The following ZNF765 variants were observed in gnomAD, a reference collection of about 807,000 sequenced individuals.
ZNF765 encodes zinc finger protein 765.
In ZNF765, 37 loss-of-function variants were observed where a neutral mutation model predicts 44.7. The observed-to-expected ratio is 0.83, with a 90% CI of 0.64 to 1.09. The LOEUF (loss-of-function observed/expected upper bound fraction) is 1.09, where lower values mean the gene tolerates loss of function less well. Among genes scored for constraint, ZNF765 ranks in the 50% least tolerant of loss-of-function variants. ZNF765 has a pLI of 0.00. For synonymous variants in ZNF765, 201 were observed against 213.7 expected, an observed-to-expected ratio of 0.94 and a Z score of 0.52; for missense variants, 594 against 626.1, an observed-to-expected ratio of 0.95 and a Z score of 0.55.
Position 53,409,363 on chromosome 19 carries a change from C to G in ZNF765, c.*236C>G. 1 of 837,394 alleles carries G rather than the reference C, an allele frequency of 1.2e-6. No homozygotes were observed. Among genetic ancestry groups the G allele is most frequent in the Non-Finnish European group, 2.1e-6 (1 of 479,716 alleles). 51.9% of individuals were successfully genotyped at this position (837,394 alleles called of 1,614,324 possible). On this transcript the variant is annotated 3_prime_UTR_variant, in exon 4 of 4. Transcript: ENST00000396408. ...CATCATAAACTTCATAGTGGAGAGA[C>G]CTTACAAATGTGAAGAATGTGAAGA...
downstream of ZNF765, among the ~76,000 whole-genome samples, chr19:53,414,482 CACA>C (rs2085861260): frequency 6.6e-5 from 1 of 15,248 alleles, no homozygotes; most frequent in African/African-American, 3.6e-4. Context: ...CACACACACA[CACA>C]CACACCCCCC....
intron 2 of ZNF765, chr19:53,401,844 C>A: frequency 8.0e-7 from 1 of 1,245,036 alleles, no homozygotes; most frequent in Admixed American, 1.8e-5. Flanking sequence ...CCATTGCACT[C>A]CAGGCTGGGC....
chr19:53,400,437 T>A (rs1217217333), intron 2 of ZNF765, among the ~76,000 whole-genome samples: 1 of 152,070 alleles, frequency 6.6e-6, no homozygotes, highest in Admixed American at 6.6e-5. Flanking sequence ...GGGTGATTAC[T>A]TCCTCTAGGA....
At chr19:53,404,599 C>T (rs753326712) in intron 3 of ZNF765, among the ~76,000 whole-genome samples, 1 of 152,062 alleles carries the variant, frequency 6.6e-6, no homozygotes, top group East Asian at 1.9e-4. Context: ...ACTACAGGCA[C>T]ATGCCACCAC....
chr19:53,416,678 ATAACTATACATCAATATAAT>A (rs1223545980), downstream of ZNF765, among the ~76,000 whole-genome samples: 1 of 151,828 alleles, frequency 6.6e-6, no homozygotes, highest in Non-Finnish European at 1.5e-5. Flanking sequence ...ACATAGTTAT[ATAACTATACATCAATATAAT>A]TAACTATACA....
Position 53,409,683 on chromosome 19 carries a change from A to C in ZNF765, c.*556A>C. ...CCTTACACGCCATCGTAGACTTCAT[A>C]CTGGAGGATACCTTACAAATGTAAT... On this transcript the variant is annotated 3_prime_UTR_variant, in exon 4 of 4. Coordinates refer to ENST00000396408, the MANE Select transcript of ZNF765 (RefSeq NM_001040185.3). 9.2e-7 allele frequency: 1 copy of C among 1,082,776 alleles called. No individual in the cohort carries two copies. 67.1% of individuals were successfully genotyped at this position (1,082,776 alleles called of 1,614,324 possible).
At chr19:53,416,107 A>C (rs1187918319), downstream of ZNF765, among the ~76,000 whole-genome samples, 1 of 152,046 alleles carries the variant, frequency 6.6e-6, no homozygotes, top group African/African-American at 2.4e-5. Context: ...GGCGTGCACC[A>C]CCGTGCTGGC....
At chr19:53,398,560 A>G (rs1304753817) in intron 2 of ZNF765, among the ~76,000 whole-genome samples, 2 of 152,220 alleles carry the variant, frequency 1.3e-5, no homozygotes, top group African/African-American at 2.4e-5. Flanking sequence ...ATACACAGAC[A>G]TGAATGATAC....
At chr19:53,418,822 T>C (rs1164355513) in intron 3 of ZNF765, among the ~76,000 whole-genome samples, 1 of 145,616 alleles carries the variant, frequency 6.9e-6, no homozygotes, top group East Asian at 2.0e-4. Context: ...GGAGAATCGC[T>C]AGAACCTGGG....
At position 53,408,278 on chromosome 19, in the gene ZNF765, A is replaced by G; in HGVS notation, c.723A>G (p.Lys241=). The G allele has an allele frequency of 1.9e-6, 3 of 1,614,232 alleles. No individual in the cohort carries two copies. The highest frequency in any genetic ancestry group is 1.1e-5 in the South Asian group (1 of 91,086). The change falls in exon 4 of 4, where the codon AAA becomes AAG. Residue 241 remains lysine (K), a synonymous_variant. Transcript: ENST00000396408. The part of the protein sequence containing the change: ...RKHQLIHLGE[K]QYKCDICGKV... ...ATCAGTTAATCCATTTAGGAGAGAA[A>G]CAATATAAATGCGATATATGTGGCA...
downstream of ZNF765, among the ~76,000 whole-genome samples, chr19:53,412,781 A>G (rs1481691689): frequency 6.6e-6 from 1 of 152,060 alleles, no homozygotes; most frequent in Non-Finnish European, 1.5e-5. Context: ...GGCCTCCCAA[A>G]GTGCTGGGAT....
Position 53,408,667 on chromosome 19 carries a change from C to G in ZNF765, c.1112C>G (p.Thr371Arg), listed in dbSNP as rs766557962. ...ACCTTTAGTCGGAAGTCACATTTTACATGCCATCATAGAGTTCATACTGGA... is the reference window on the plus strand; with the variant it reads ...ACCTTTAGTCGGAAGTCACATTTTAGATGCCATCATAGAGTTCATACTGGA... ...GKTFSRKSHF[T>R]CHHRVHTGEK... The change falls in exon 4 of 4, where the codon ACA becomes AGA. Residue 371 changes from threonine to arginine, a missense_variant. Coordinates refer to ENST00000396408, the MANE Select transcript of ZNF765 (RefSeq NM_001040185.3). The G allele has an allele frequency of 1.9e-6, 3 of 1,613,154 alleles. No individual in the cohort carries two copies. Among genetic ancestry groups the G allele is most frequent in the Admixed American group, 3.3e-5 (2 of 59,936 alleles).
chr19:53,423,441 A>G, exon 4 of ZNF765: 3 of 548,534 alleles, frequency 5.5e-6, no homozygotes, highest in South Asian at 5.1e-5. Context: ...CAGCACATTC[A>G]TAGGACCAGC....
intron 3 of ZNF765, among the ~76,000 whole-genome samples, chr19:53,418,709 C>T (rs1414113492): frequency 6.6e-6 from 1 of 151,792 alleles, no homozygotes; most frequent in Non-Finnish European, 1.5e-5. Flanking sequence ...AGTTGGAGAC[C>T]AGCCTGCCCG....
chr19:53,422,317 C>A (rs2085912137), intron 3 of ZNF765, among the ~76,000 whole-genome samples: 2 of 152,186 alleles, frequency 1.3e-5, no homozygotes, highest in African/African-American at 2.4e-5. Context: ...CTACCCCAAA[C>A]ATGGTGTGAA....
chr19:53,400,489 CT>C (rs1313328001), intron 2 of ZNF765, among the ~76,000 whole-genome samples: 17 of 151,960 alleles, frequency 1.1e-4, no homozygotes, highest in East Asian at 5.9e-4. Context: ...AGATTCCCCC[CT>C]GTCCCCAACT....
chr19:53,424,483 AT>A (rs957835521), exon 4 of ZNF765: 2 of 151,916 alleles, frequency 1.3e-5, no homozygotes, highest in African/African-American at 2.4e-5. Flanking sequence ...TCAAAAAAAA[AT>A]CTAAAACATT....
chr19:53,406,026 AATTTTTTT>A (rs1379053442), intron 3 of ZNF765, among the ~76,000 whole-genome samples: 1 of 38,814 alleles, frequency 2.6e-5, no homozygotes, highest in Admixed American at 3.6e-4. Flanking sequence ...ACCGTTAGTC[AATTTTTTT>A]TTTTTTTTTT....
In ZNF765 at chr19:53,411,546, C is replaced by G. The variant is rs1216553957; in HGVS notation, c.*2419C>G. The G allele has an allele frequency of 2.6e-5, 4 of 152,498 alleles. No homozygotes were observed. Among genetic ancestry groups the G allele is most frequent in the African/African-American group, 9.6e-5 (4 of 41,454 alleles). 9.4% of individuals were successfully genotyped at this position (152,498 alleles called of 1,614,324 possible). A position where few individuals can be genotyped will look rare whatever the true frequency, so the allele number is the denominator to read the frequency against. On this transcript the variant is annotated 3_prime_UTR_variant, in exon 4 of 4. Transcript: ENST00000396408. ...GCCTCAGATGATCCACCCACCTCGG[C>G]CTCCCAAAGTGCTGGGATTACAGGC...
Sources: allele counts gnomAD v4.1 joint callset (sites outside exome capture counted in the v4.1 genomes callset), GRCh38; gene constraint gnomAD v4.1.1; transcripts MANE v1.5; gene names NCBI Gene and HGNC (gene_info 2026-07-23, HGNC 2026-07-21).